The following IL18RAP variants were observed in gnomAD, a reference collection of about 807,000 sequenced individuals.
The protein encoded by IL18RAP is interleukin-18 receptor accessory protein.
Under a neutral mutation model 58.1 loss-of-function variants are expected in IL18RAP, and 37 were observed. That is an observed-to-expected ratio of 0.64 (90% CI 0.49 to 0.84). IL18RAP has a LOEUF of 0.84. Among genes scored for constraint, IL18RAP ranks in the 40% least tolerant of loss-of-function variants. The probability of loss-of-function intolerance (pLI) is 0.00; values close to 1 mark genes in which losing one functional copy is unlikely to be tolerated. For missense variants in IL18RAP, 667 were observed against 704.8 expected (o/e 0.95, Z 0.61); for synonymous variants, 268 against 257.5 (o/e 1.04, Z -0.39).
Position 102,451,902 on chromosome 2 carries a change from G to A in IL18RAP, c.1521G>A (p.Leu507=). Residue 507 remains leucine (L), a synonymous_variant, in exon 10 of 10, where the codon CTG becomes CTA. Coordinates refer to ENST00000687160, the MANE Select transcript of IL18RAP (RefSeq NM_001393487.1). ...ATCTTGCCTTGGATGATCAAACACT[G>A]AAACTCATTTTAATTAAGTTCTGTT... is the stretch of plus-strand genomic sequence containing the variant. ...AVNLALDDQT[L]KLILIKFCYF... The A allele has an allele frequency of 6.2e-7, 1 of 1,614,178 alleles. No individual in the cohort carries two copies. Among genetic ancestry groups the A allele is most frequent in the Non-Finnish European group, 8.5e-7 (1 of 1,180,026 alleles).
At chr2:102,451,083 G>A in intron 9 of IL18RAP, 62 bp downstream of exon 9, 2 of 1,328,820 alleles carry the variant, frequency 1.5e-6, no homozygotes, top group South Asian at 3.2e-5. Flanking sequence ...CAATCCCCAA[G>A]TCTTTTTTGT....
rs1683798192 is a variant in IL18RAP at position 102,451,963 on chromosome 2, A to G, written c.1582A>G (p.Lys528Glu). 6.2e-7 allele frequency: 1 copy of G among 1,614,146 alleles called. No homozygotes were observed. The highest frequency in any genetic ancestry group is 8.5e-7 in the Non-Finnish European group (1 of 1,180,012). The change falls in exon 10 of 10, where the codon AAA becomes GAA. Residue 528 changes from lysine (K) to glutamate (E), a missense_variant. Coordinates refer to ENST00000687160, the MANE Select transcript of IL18RAP (RefSeq NM_001393487.1). ...QEPESLPHLV[K>E]KALRVLPTVT... ...GCCAGAGTCTCTACCTCATCTCGTG[A>G]AAAAAGCTCTCAGGGTTTTGCCCAC...
At chr2:102,445,389 A>AG (rs1388062862) in intron 7 of IL18RAP, 49 bp downstream of exon 7, 3 of 1,564,680 alleles carry the variant, frequency 1.9e-6, no homozygotes, top group Admixed American at 3.5e-5. Context: ...TTCACTTGAG[A>AG]GGGGAGGAGT....
intron 4 of IL18RAP, chr2:102,438,911 AG>A (rs1003707611): frequency 1.3e-5 from 2 of 152,312 alleles, no homozygotes; most frequent in Non-Finnish European, 2.9e-5. Context: ...GGGCACATGG[AG>A]GCCCACCAGA....
intron 4 of IL18RAP, among the ~76,000 whole-genome samples, chr2:102,440,627 C>A (rs11677107): frequency 0.75 from 113,550 of 151,078 alleles, 43,293 homozygotes; most frequent in African/African-American, 0.82. Flanking sequence ...CCAGAGAAAG[C>A]GAGAGAGAGA....
At position 102,430,092 on chromosome 2, in the gene IL18RAP, G is replaced by A. The variant is rs549798104; in HGVS notation, c.579+5678G>A. The stretch of plus-strand genomic sequence containing the variant: ...CTGTTAGGTCCATTTGGTCAAAAGC[G>A]TAATTCAAGGCCAATTTTTGAAGTT... On this transcript the variant is annotated intron_variant, in intron 3 of 9. Transcript: ENST00000687160. Among the ~76,000 whole-genome samples the A allele has an allele frequency of 2.2e-4, 34 of 152,090 alleles. No homozygotes were observed. The South Asian group carries it at 3.5e-3, about 16-fold the overall frequency.
intron 8 of IL18RAP, among the ~76,000 whole-genome samples, chr2:102,448,907 G>C (rs56044378): frequency 1.4e-5 from 2 of 147,230 alleles, no homozygotes; most frequent in South Asian, 4.3e-4. Flanking sequence ...GCTGCAGTGA[G>C]CCATGATTAC....
intron 8 of IL18RAP, among the ~76,000 whole-genome samples, chr2:102,448,594 TCCAGTGCGTTC>T (rs1185418346): frequency 2.0e-5 from 3 of 152,128 alleles, no homozygotes; most frequent in African/African-American, 7.2e-5. Context: ...CCCTCCAAAT[TCCAGTGCGTTC>T]CCAAACTAGG....
chr2:102,424,245 T>C lies in IL18RAP; in HGVS notation c.410T>C (p.Val137Ala), dbSNP rs1681783051. ...RPKMIKSPYD[V>A]ACCVKMILEV... ...TAATTTCCTAGGAGCCCCTATGATG[T>C]AGCCTGTTGTGTCAAGATGATTTTA... Residue 137 changes from valine (V) to alanine (A), a missense_variant, in exon 3 of 10, where the codon GTA becomes GCA. Transcript: ENST00000687160. 1.2e-6 allele frequency: 2 copies of C among 1,614,040 alleles called. No homozygotes were observed. The highest frequency in any genetic ancestry group is 1.7e-6 in the Non-Finnish European group (2 of 1,179,948).
intron 3 of IL18RAP, 145 bp from the exon 4 acceptor site, chr2:102,437,066 AC>A: frequency 1.5e-6 from 1 of 673,318 alleles, no homozygotes; most frequent in South Asian, 2.2e-5. Context: ...GTTTTTGAAC[AC>A]AATGTCTTCA....
intron 3 of IL18RAP, among the ~76,000 whole-genome samples, chr2:102,436,309 G>A (rs1046199320): frequency 9.9e-5 from 15 of 152,128 alleles, no homozygotes; most frequent in South Asian, 2.1e-4. Context: ...TTATCACTGC[G>A]TCCTCTGAAG....
intron 8 of IL18RAP, among the ~76,000 whole-genome samples, chr2:102,448,660 AT>A (rs1683576701): frequency 6.6e-6 from 1 of 152,118 alleles, no homozygotes; most frequent in South Asian, 2.1e-4. Flanking sequence ...GAAAGGGTGA[AT>A]AAAGACCGGC....
At position 102,443,264 on chromosome 2, in the gene IL18RAP, A is replaced by C. The variant is rs765083650; in HGVS notation, c.861A>C (p.Ile287=). 54 of 1,613,766 alleles carry C rather than the reference A, an allele frequency of 3.3e-5. No homozygotes were observed. Among genetic ancestry groups the C allele is most frequent in the Non-Finnish European group, 4.4e-5 (52 of 1,179,912 alleles). Residue 287 remains isoleucine, a synonymous_variant, in exon 6 of 10, where the codon ATA becomes ATC. Coordinates refer to ENST00000687160, the MANE Select transcript of IL18RAP (RefSeq NM_001393487.1). ...FGFERVFNPV[I]KWYIKDSDLE... ...TTGAAAGGGTCTTTAACCCTGTCAT[A>C]AAATGGTACATCAAAGATTCTGACC...
At chr2:102,430,355 G>T (rs1005002143) in intron 3 of IL18RAP, among the ~76,000 whole-genome samples, 1 of 151,776 alleles carries the variant, frequency 6.6e-6, no homozygotes, top group Non-Finnish European at 1.5e-5. Context: ...AGTCTATTTT[G>T]TCTGATATAA....
In IL18RAP at chr2:102,424,414, G is replaced by A. The variant is rs1681798428; in HGVS notation, c.579G>A (p.Lys193=). Residue 193 remains lysine (K), a splice_region_variant and synonymous_variant, in exon 3 of 10, where the codon AAG becomes AAA. Coordinates refer to ENST00000687160, the MANE Select transcript of IL18RAP (RefSeq NM_001393487.1). ...AAAGTCCAGCGGTAACCTGGTACAAGGTAAGAGTGAATTCTCTAAAATTAA... is the reference window on the plus strand; with the variant it reads ...AAAGTCCAGCGGTAACCTGGTACAAAGTAAGAGTGAATTCTCTAAAATTAA... The part of the protein sequence containing the change: ...DAQSPAVTWY[K]NGKLLSVERS... 6.2e-7 allele frequency: 1 copy of A among 1,611,340 alleles called. No individual in the cohort carries two copies. The highest frequency in any genetic ancestry group is 8.5e-7 in the Non-Finnish European group (1 of 1,178,714).
chr2:102,420,710 T>G (rs545308999), upstream of IL18RAP, among the ~76,000 whole-genome samples: 51 of 152,322 alleles, frequency 3.3e-4, 1 homozygote, highest in Admixed American at 2.2e-3. Flanking sequence ...TATCCCGACT[T>G]AAACATCAGA....
In IL18RAP at chr2:102,445,176, TCTC is replaced by T. The variant is rs1271410946; in HGVS notation, c.921-10_921-8del. The T allele has an allele frequency of 6.2e-7, 1 of 1,611,468 alleles. No individual in the cohort carries two copies. ...TGTTACTGAATGGAGTGGTATTTTT[TCTC>T]CTTTCTCAGTATTAAATCCACTTTA... On this transcript the variant is annotated splice_polypyrimidine_tract_variant and intron_variant, in intron 6 of 9. Coordinates refer to ENST00000687160, the MANE Select transcript of IL18RAP (RefSeq NM_001393487.1).
At chr2:102,445,046 C>T in intron 6 of IL18RAP, 143 bp from the exon 7 acceptor site, 2 of 628,978 alleles carry the variant, frequency 3.2e-6, no homozygotes, top group Admixed American at 2.9e-5. Flanking sequence ...TTTTGACCAT[C>T]TTACATTCTC....
intron 3 of IL18RAP, among the ~76,000 whole-genome samples, chr2:102,427,980 C>CT (rs60743144): frequency 2.0e-3 from 285 of 141,624 alleles, no homozygotes; most frequent in Admixed American, 6.4e-3. Flanking sequence ...TTCTTGGCAT[C>CT]TTTTTTTTTT....
Sources: gnomAD v4.1 joint callset for allele counts (sites outside exome capture counted in the v4.1 genomes callset) on GRCh38, gnomAD v4.1.1 for gene constraint, MANE v1.5 for transcripts, NCBI Gene and HGNC (gene_info 2026-07-23, HGNC 2026-07-21) for gene names.